The following PLEC variants were observed in gnomAD, a reference collection of about 807,000 sequenced individuals.
The protein encoded by PLEC is plectin.
In PLEC, 216 loss-of-function variants were observed where a neutral mutation model predicts 392.8. The observed-to-expected ratio is 0.55, with a 90% CI of 0.49 to 0.62. The LOEUF is 0.62. Among genes scored for constraint, PLEC ranks in the 20% least tolerant of loss-of-function variants. The probability of loss-of-function intolerance (pLI) is 0.00; values close to 1 mark genes in which losing one functional copy is unlikely to be tolerated. For missense variants in PLEC, 6,863 were observed against 6,563.4 expected (o/e 1.05, Z -1.58); for synonymous variants, 3,621 against 2,980.6 (o/e 1.21, Z -7.00).
At chr8:143,964,243 A>G (rs1416458468) in intron 1 of PLEC, among the ~76,000 whole-genome samples, 1 of 152,198 alleles carries the variant, frequency 6.6e-6, no homozygotes, top group Non-Finnish European at 1.5e-5. Context: ...TAGTGGGTTG[A>G]ATGGAGGTCC....
chr8:143,957,110 G>A (rs549417400), upstream of PLEC, among the ~76,000 whole-genome samples: 3 of 152,298 alleles, frequency 2.0e-5, no homozygotes, highest in East Asian at 5.8e-4. Flanking sequence ...GATTTCAACA[G>A]GACAGGCAGG....
intron 12 of PLEC, 43 bp downstream of exon 12, chr8:143,933,955 T>C: frequency 6.5e-7 from 1 of 1,532,102 alleles, no homozygotes; most frequent in Non-Finnish European, 8.9e-7. Context: ...GGCAGGCTCC[T>C]CCGGCCTCCC....
Position 143,973,204 on chromosome 8 carries a change from G to T in PLEC, c.70+199C>A, listed in dbSNP as rs1454358639. Among the ~76,000 whole-genome samples, 2 of 151,546 alleles carry T rather than the reference G, an allele frequency of 1.3e-5. No individual in the cohort carries two copies. The highest frequency in any genetic ancestry group is 1.5e-5 in the Non-Finnish European group (1 of 67,818). ...CCGAGCCGCGCGATGCCCTATTAAG[G>T]GCATGGCCTCGGGGGCTCAGCGGAG... is the stretch of plus-strand genomic sequence containing the variant. On this transcript the variant is annotated intron_variant, in intron 1 of 31. Coordinates refer to the PLEC transcript ENST00000356346. This position sits in a 1 kb window ranked among gnomAD's most constrained non-coding sequence, Gnocchi z 5.6.
Position 143,930,416 on chromosome 8 carries a change from G to T in PLEC, c.2425C>A (p.Leu809Met). 1 of 1,572,682 alleles carries T rather than the reference G, an allele frequency of 6.4e-7. No individual in the cohort carries two copies. ...TGCTTATAGTCGCACACGGCCAGCA[G>T]GGGCAGGCGGCCCCGCATGGGGTGG... ...PAHPMRGRLP[L>M]LAVCDYKQVE... The change falls in exon 20 of 32, where the codon CTG (leucine) becomes ATG (methionine). Residue 809 changes from leucine to methionine, a missense_variant. Coordinates refer to ENST00000345136, the MANE Select transcript of PLEC (RefSeq NM_201384.3).
chr8:143,918,952 G>T lies in PLEC; in HGVS notation c.10869C>A (p.Ile3623=). Residue 3623 remains isoleucine, a synonymous_variant, in exon 32 of 32, where the codon ATC becomes ATA. Transcript: ENST00000345136. The part of the protein sequence containing the change: ...VTKERMIIII[I]EIIEKTEIIR... ...TGATCTCTGTCTTCTCAATGATCTC[G>T]ATGATGATGATGATCATGCGTTCCT... The T allele has an allele frequency of 6.2e-7, 1 of 1,609,900 alleles. No individual in the cohort carries two copies. The highest frequency in any genetic ancestry group is 2.2e-5 in the East Asian group (1 of 44,860).
intron 19 of PLEC, 114 bp from the exon 20 acceptor site, chr8:143,930,650 G>A (rs550991572): frequency 7.1e-6 from 8 of 1,131,022 alleles, no homozygotes; most frequent in South Asian, 4.1e-5. Flanking sequence ...TCCCGGGGTG[G>A]CAGCACTTGG....
At position 143,915,750 on chromosome 8, in the gene PLEC, G is replaced by A. The variant is rs116530379; in HGVS notation, c.*427C>T. 0.02 allele frequency: 3,054 copies of A among 156,344 alleles called. 104 individuals are homozygous for A. Among genetic ancestry groups the A allele is most frequent in the African/African-American group, 0.07 (2,913 of 41,590 alleles). The allele number at this position is 156,344 out of a possible 1,614,324, so 9.7% of individuals were successfully genotyped here. A position where few individuals can be genotyped will look rare whatever the true frequency, so the allele number is the denominator to read the frequency against. On this transcript the variant is annotated 3_prime_UTR_variant, in exon 32 of 32. Transcript: ENST00000345136. ...GGTAGACTGGGAGAGAGGCTGACTG[G>A]GGCCCCCCGTCCCCAGCAAGGCCCA...
upstream of PLEC, chr8:143,975,388 C>T (rs1554745767): frequency 6.2e-7 from 1 of 1,601,712 alleles, no homozygotes; most frequent in Non-Finnish European, 8.5e-7. The surrounding 1 kb of genome is among the most constrained non-coding windows in gnomAD (Gnocchi z 9.9). Context: ...GGAAGGGGAG[C>T]AGGAGGGGTC....
chr8:143,972,685 A>T (rs1554744686), intron 1 of PLEC, among the ~76,000 whole-genome samples: 1 of 152,136 alleles, frequency 6.6e-6, no homozygotes, highest in African/African-American at 2.4e-5. Flanking sequence ...TGTGTCCACA[A>T]CCGCCTGGAG....
At position 143,969,231 on chromosome 8, in the gene PLEC, G is replaced by A. The variant is rs569449368; in HGVS notation, c.70+4172C>T. ...ATGTGAGCAGCCCTGACAGCGTCCC[G>A]GCAAGTCGAAGAGGCCAGACCCAGG... On this transcript the variant is annotated intron_variant, in intron 1 of 31. Coordinates refer to the PLEC transcript ENST00000356346. This position sits in a 1 kb window ranked among gnomAD's most constrained non-coding sequence, Gnocchi z 5.1. Among the ~76,000 whole-genome samples the A allele has an allele frequency of 1.3e-5, 2 of 152,134 alleles. No homozygotes were observed. Among genetic ancestry groups the A allele is most frequent in the Admixed American group, 6.5e-5 (1 of 15,276 alleles).
chr8:143,957,740 C>T, upstream of PLEC, among the ~76,000 whole-genome samples: 1 of 152,198 alleles, frequency 6.6e-6, no homozygotes, highest in Non-Finnish European at 1.5e-5. Flanking sequence ...GGGCCCTCCC[C>T]TGAGGCCCTG....
upstream of PLEC, among the ~76,000 whole-genome samples, chr8:143,940,283 C>T (rs1184187248): frequency 1.3e-5 from 2 of 152,184 alleles, no homozygotes; most frequent in Non-Finnish European, 2.9e-5. Flanking sequence ...ACGTCGGAGG[C>T]GCGTAGCTGA....
Position 143,919,628 on chromosome 8 carries a change from A to G in PLEC, c.10193T>C (p.Leu3398Pro). ...LLEAQAATGF[L>P]VDPVRNQRLY... ...GCGCTGGTTCCGCACGGGGTCCACC[A>G]GGAAGCCAGTGGCCGCCTGCGCCTC... Residue 3398 changes from leucine to proline, a missense_variant, in exon 32 of 32, where the codon CTG (leucine) becomes CCG (proline). Physicochemically the swap from Leu to Pro is moderately conservative, Grantham distance 98. Coordinates refer to ENST00000345136, the MANE Select transcript of PLEC (RefSeq NM_201384.3). The G allele has an allele frequency of 6.3e-7, 1 of 1,584,480 alleles. No homozygotes were observed.
chr8:143,927,734 G>C lies in PLEC; in HGVS notation c.3432C>G (p.Pro1144=). ...KLRAQAEAQQ[P]TFDALRDELR... ...GCTCATCCCGCAGGGCGTCGAACGT[G>C]GGCTGCTGTGCCTCGGCCTGGGCCC... The change falls in exon 27 of 32, where the codon CCC becomes CCG. Residue 1144 remains proline, a synonymous_variant. Coordinates refer to ENST00000345136, the MANE Select transcript of PLEC (RefSeq NM_201384.3). 1 of 1,597,186 alleles carries C rather than the reference G, an allele frequency of 6.3e-7. No homozygotes were observed. The highest frequency in any genetic ancestry group is 8.5e-7 in the Non-Finnish European group (1 of 1,171,278).
At chr8:143,929,618 C>T (rs1554711423) in intron 23 of PLEC, 28 bp downstream of exon 23, 1 of 1,609,074 alleles carries the variant, frequency 6.2e-7, no homozygotes, top group Non-Finnish European at 8.5e-7. Context: ...CGCACCAGCC[C>T]AACCGCCCCA....
rs538434089 is a variant in PLEC at position 143,925,023 on chromosome 8, G to A, written c.4906C>T (p.Leu1636Phe). The A allele has an allele frequency of 6.4e-7, 1 of 1,566,938 alleles. No individual in the cohort carries two copies. The highest frequency in any genetic ancestry group is 8.6e-7 in the Non-Finnish European group (1 of 1,164,098). ...AGCCGTAGCGCCTCGTTGGCCTTGA[G>A]CTGCCAGCGCTCCAGCTCCCGCTCT... ...EAERELERWQ[L>F]KANEALRLRL... Residue 1636 changes from leucine (L) to phenylalanine (F), a missense_variant, in exon 31 of 32, where the codon CTC becomes TTC. Coordinates refer to ENST00000345136, the MANE Select transcript of PLEC (RefSeq NM_201384.3).
intron 5 of PLEC, 36 bp from the exon 6 acceptor site, chr8:143,936,050 C>A: frequency 6.2e-7 from 1 of 1,606,702 alleles, no homozygotes; most frequent in Non-Finnish European, 8.5e-7. Flanking sequence ...AGCTCAGCCA[C>A]AGCCACCAGG....
intron 5 of PLEC, among the ~76,000 whole-genome samples, chr8:143,936,233 G>T (rs1027472712): frequency 6.6e-6 from 1 of 152,098 alleles, no homozygotes; most frequent in African/African-American, 2.4e-5. Context: ...CACTCCAGCC[G>T]GTGGCAGCTG....
rs1406667435 is a variant in PLEC, at chr8:143,924,229, C to T, written c.5700G>A (p.Lys1900=). The T allele has an allele frequency of 2.5e-6, 4 of 1,598,646 alleles. No individual in the cohort carries two copies. Among genetic ancestry groups the T allele is most frequent in the African/African-American group, 1.3e-5 (1 of 74,892 alleles). ...GCCGCTCCAGCTCGCTGTCCGATGCCTTGCGCAGCTGGGCCAGGCGCTCCT... is the reference window on the plus strand; with the variant it reads ...GCCGCTCCAGCTCGCTGTCCGATGCTTTGCGCAGCTGGGCCAGGCGCTCCT... ...DIEERLAQLR[K]ASDSELERQK... The change falls in exon 31 of 32, where the codon AAG becomes AAA. Residue 1900 remains lysine (K), a synonymous_variant. Coordinates refer to ENST00000345136, the MANE Select transcript of PLEC (RefSeq NM_201384.3).
Sources: allele counts gnomAD v4.1 joint callset (sites outside exome capture counted in the v4.1 genomes callset), GRCh38; gene constraint gnomAD v4.1.1; non-coding constraint Gnocchi (gnomAD v3.1); transcripts MANE v1.5; gene names NCBI Gene and HGNC (gene_info 2026-07-23, HGNC 2026-07-21).